The following FRMD4A variants were observed in gnomAD, a reference collection of about 807,000 sequenced individuals.
The protein encoded by FRMD4A is FERM domain-containing protein 4A.
A neutral mutation model predicts 129.1 loss-of-function variants in FRMD4A; 29 were observed. The ratio of observed to expected loss-of-function variants is 0.22; its 90% CI spans 0.17 to 0.31. The LOEUF (loss-of-function observed/expected upper bound fraction) is 0.31, where lower values mean the gene tolerates loss of function less well. Ranked by LOEUF, FRMD4A falls within the 10% of genes least tolerant of loss-of-function variation. The pLI is 1.00. For synonymous variants in FRMD4A, 634 were observed against 571.6 expected (o/e 1.11, Z -1.56); for missense variants, 1,272 against 1,375.8 (o/e 0.92, Z 1.19).
chr10:14,281,411 G>A (rs73603255), intron 2 of FRMD4A, among the ~76,000 whole-genome samples: 2,167 of 152,334 alleles, frequency 0.014, 53 homozygotes, highest in African/African-American at 0.049. Flanking sequence ...TGTTTATGCC[G>A]CAAGGCAAGG....
chr10:13,960,730 C>A (rs2095441279), intron 2 of FRMD4A, among the ~76,000 whole-genome samples: 1 of 152,192 alleles, frequency 6.6e-6, no homozygotes, highest in South Asian at 2.1e-4. Context: ...ACTTCCCAGT[C>A]TGTGTGGTAG....
At chr10:13,796,388 T>C (rs570920655) in intron 5 of FRMD4A, 108 bp downstream of exon 5, 2 of 705,732 alleles carry the variant, frequency 2.8e-6, no homozygotes, top group Non-Finnish European at 5.2e-6. Context: ...TCCCTGGCAA[T>C]GAACCAAGAC....
At chr10:13,802,985 T>A (rs979539620) in intron 4 of FRMD4A, among the ~76,000 whole-genome samples, 1 of 152,014 alleles carries the variant, frequency 6.6e-6, no homozygotes, top group Non-Finnish European at 1.5e-5. Flanking sequence ...CCGTCTCTAC[T>A]AAAAATACAA....
At chr10:13,711,655 A>C (rs538749404) in intron 12 of FRMD4A, among the ~76,000 whole-genome samples, 1 of 152,262 alleles carries the variant, frequency 6.6e-6, no homozygotes, top group Non-Finnish European at 1.5e-5. Flanking sequence ...TAATCAAAGA[A>C]TGTATTAATT....
intron 2 of FRMD4A, among the ~76,000 whole-genome samples, chr10:14,175,314 T>A (rs1052605189): frequency 6.6e-6 from 1 of 152,018 alleles, no homozygotes; most frequent in Non-Finnish European, 1.5e-5. Context: ...TCACAAGACA[T>A]CCCCAAGATA....
At position 14,019,146 on chromosome 10, in the gene FRMD4A, C is replaced by T. The variant is rs147169428; in HGVS notation, c.46-160234G>A. On this transcript the variant is annotated intron_variant, in intron 2 of 24. Transcript: ENST00000357447. ...AAGAGGATCCTCAAGAAGACAGTCACGCAAGAGACCAAGAGAAGAGCTAAT... is the reference window on the plus strand; with the variant it reads ...AAGAGGATCCTCAAGAAGACAGTCATGCAAGAGACCAAGAGAAGAGCTAAT... 4.6e-3 allele frequency among the ~76,000 whole-genome samples: 692 copies of T among 151,952 alleles called. 3 individuals are homozygous for T. The highest frequency in any genetic ancestry group is 0.01 in the Middle Eastern group (3 of 294).
intron 2 of FRMD4A, among the ~76,000 whole-genome samples, chr10:13,952,913 C>T (rs1193265594): frequency 3.9e-5 from 6 of 152,068 alleles, no homozygotes; most frequent in Non-Finnish European, 7.4e-5. Flanking sequence ...CCAGACTGGT[C>T]TATAAACTCC....
intron 2 of FRMD4A, among the ~76,000 whole-genome samples, chr10:13,873,889 A>G (rs1339831968): frequency 1.3e-5 from 2 of 152,124 alleles, no homozygotes; most frequent in African/African-American, 4.8e-5. Context: ...GGACAATAAA[A>G]GAACCTTTAA....
chr10:14,277,397 G>T (rs1845379389), intron 2 of FRMD4A, among the ~76,000 whole-genome samples: 1 of 152,172 alleles, frequency 6.6e-6, no homozygotes, highest in South Asian at 2.1e-4. Flanking sequence ...TTATGAATGG[G>T]ATTAGTGTGC....
intron 2 of FRMD4A, among the ~76,000 whole-genome samples, chr10:13,927,033 C>T (rs2095141086): frequency 6.6e-6 from 1 of 152,130 alleles, no homozygotes; most frequent in Admixed American, 6.5e-5. Context: ...GCGGGCAGAT[C>T]ACTTGAGGTC....
chr10:13,733,643 T>C (rs1323798333), intron 12 of FRMD4A, among the ~76,000 whole-genome samples: 1 of 152,220 alleles, frequency 6.6e-6, no homozygotes, highest in Admixed American at 6.5e-5. Context: ...GGACAGCTGG[T>C]CTTGAATTCC....
intron 2 of FRMD4A, among the ~76,000 whole-genome samples, chr10:13,917,846 G>A (rs539851790): frequency 2.2e-4 from 34 of 152,328 alleles, no homozygotes; most frequent in African/African-American, 4.6e-4. Flanking sequence ...ATGGCCTTGG[G>A]TGAGCCCTTT....
At chr10:13,922,178 A>G (rs2095080707) in intron 2 of FRMD4A, among the ~76,000 whole-genome samples, 1 of 152,188 alleles carries the variant, frequency 6.6e-6, no homozygotes, top group Admixed American at 6.5e-5. Flanking sequence ...CAGCACAGTG[A>G]GAAATAAATG....
In FRMD4A at chr10:14,090,965, C is replaced by T. The variant is rs79861620; in HGVS notation, c.46-232053G>A. On this transcript the variant is annotated intron_variant, in intron 2 of 24. Transcript: ENST00000357447. ...CCGGGACCATAGGCACACACCACCA[C>T]GCCCAGCTCAAACTAACATTTGACT... Among the ~76,000 whole-genome samples, 19 of 152,006 alleles carry T rather than the reference C, an allele frequency of 1.2e-4. No individual in the cohort carries two copies. In the East Asian group the frequency reaches 2.3e-3, roughly 19 times the overall value.
At chr10:14,026,457 G>T (rs896887515) in intron 2 of FRMD4A, among the ~76,000 whole-genome samples, 1 of 152,174 alleles carries the variant, frequency 6.6e-6, no homozygotes, top group African/African-American at 2.4e-5. Context: ...CATGTTCTTC[G>T]AGTTATGGTT....
chr10:14,198,194 T>C (rs902373511), intron 2 of FRMD4A, among the ~76,000 whole-genome samples: 14 of 152,198 alleles, frequency 9.2e-5, no homozygotes, highest in Admixed American at 3.3e-4. Flanking sequence ...GATCATTTAC[T>C]TGGGATTGTC....
chr10:13,687,429 T>TA (rs1322946003), intron 15 of FRMD4A, among the ~76,000 whole-genome samples: 1 of 152,150 alleles, frequency 6.6e-6, no homozygotes, highest in East Asian at 1.9e-4. Flanking sequence ...CCTACAAAGA[T>TA]ACACCCAGTT....
intron 3 of FRMD4A, among the ~76,000 whole-genome samples, chr10:13,831,880 A>G (rs889694578): frequency 2.0e-5 from 3 of 152,168 alleles, no homozygotes; most frequent in Non-Finnish European, 4.4e-5. Context: ...AAATGGAGAC[A>G]GTGCTGGGTG....
At chr10:14,106,892 C>G (rs938972856) in intron 2 of FRMD4A, among the ~76,000 whole-genome samples, 3 of 151,616 alleles carry the variant, frequency 2.0e-5, no homozygotes, top group Non-Finnish European at 1.5e-5. Flanking sequence ...AAAAATACAC[C>G]TACACTCGTA....
Sources: allele counts gnomAD v4.1 joint callset (sites outside exome capture counted in the v4.1 genomes callset), GRCh38; gene constraint gnomAD v4.1.1; transcripts MANE v1.5; gene names NCBI Gene and HGNC (gene_info 2026-07-23, HGNC 2026-07-21).